The following EYS variants were observed in gnomAD, a reference collection of about 807,000 sequenced individuals.
EYS encodes the protein EGF-like photoreceptor maintenance factor.
A neutral mutation model predicts 282.1 loss-of-function variants in EYS; 250 were observed. The observed-to-expected ratio is 0.89, with a 90% confidence interval of 0.80 to 0.98. EYS has a LOEUF of 0.98. EYS is among the 50% of genes least tolerant of loss of function. The pLI is 0.00. For missense variants in EYS, 4,016 were observed against 3,709.0 expected (o/e 1.08, Z -2.15); for synonymous variants, 1,355 against 1,282.9 (o/e 1.06, Z -1.20).
chr6:64,854,579 C>T (rs940545048), intron 19 of EYS, among the ~76,000 whole-genome samples: 13 of 96,624 alleles, frequency 1.3e-4, no homozygotes, highest in South Asian at 3.3e-4. Context: ...ACATCACACA[C>T]GGGGGCCTGT....
intron 30 of EYS, among the ~76,000 whole-genome samples, chr6:64,238,428 GT>G (rs1449219894): frequency 1.3e-5 from 2 of 152,118 alleles, no homozygotes; most frequent in Non-Finnish European, 2.9e-5. Flanking sequence ...CATACAAGTG[GT>G]TTTTGGTTAT....
chr6:64,288,809 C>T (rs989455682), intron 30 of EYS, among the ~76,000 whole-genome samples: 1 of 152,042 alleles, frequency 6.6e-6, no homozygotes, highest in Non-Finnish European at 1.5e-5. Flanking sequence ...TTCTAGGAGT[C>T]ATTCATGCCT....
intron 33 of EYS, among the ~76,000 whole-genome samples, chr6:64,020,454 C>T (rs894226657): frequency 4.6e-5 from 7 of 152,038 alleles, no homozygotes; most frequent in East Asian, 1.9e-4. Context: ...AACCAAGTCA[C>T]GAAAACATTG....
intron 7 of EYS, among the ~76,000 whole-genome samples, chr6:65,390,193 A>C (rs1260819765): frequency 1.3e-5 from 2 of 151,770 alleles, no homozygotes; most frequent in East Asian, 3.9e-4. Context: ...ATAATTATCA[A>C]AAAATTTAAA....
At chr6:65,075,070 T>C (rs1233206753) in intron 12 of EYS, among the ~76,000 whole-genome samples, 1 of 152,114 alleles carries the variant, frequency 6.6e-6, no homozygotes, top group Non-Finnish European at 1.5e-5. Context: ...TATCATGTTG[T>C]GAGTTCTCAC....
intron 19 of EYS, among the ~76,000 whole-genome samples, chr6:64,845,553 T>G (rs1765692695): frequency 1.3e-5 from 2 of 148,352 alleles, no homozygotes; most frequent in Admixed American, 6.8e-5. Flanking sequence ...CTCTGTCATT[T>G]TAGCCTACTC....
chr6:65,019,962 G>A (rs572034185), intron 13 of EYS, among the ~76,000 whole-genome samples: 32 of 152,240 alleles, frequency 2.1e-4, no homozygotes, highest in African/African-American at 7.2e-4. Context: ...CAGATCTTAT[G>A]AGAACTCAGT....
chr6:64,616,883 G>C (rs578170356), intron 24 of EYS, among the ~76,000 whole-genome samples: 1 of 151,802 alleles, frequency 6.6e-6, no homozygotes, highest in African/African-American at 2.4e-5. Context: ...CATGGGCTGC[G>C]GTCAGTTTTA....
chr6:63,876,950 A>G (rs1262131441), intron 35 of EYS, among the ~76,000 whole-genome samples: 1 of 152,064 alleles, frequency 6.6e-6, no homozygotes, highest in Non-Finnish European at 1.5e-5. Context: ...TTTTAATTGG[A>G]GCATTTAGCC....
intron 7 of EYS, among the ~76,000 whole-genome samples, chr6:65,389,380 C>T (rs910082430): frequency 6.6e-6 from 1 of 152,148 alleles, no homozygotes; most frequent in South Asian, 2.1e-4. Context: ...GCAATAGGTA[C>T]TCCCTCTGCC....
chr6:64,399,950 A>G (rs1228486915), intron 28 of EYS, among the ~76,000 whole-genome samples: 2 of 151,982 alleles, frequency 1.3e-5, no homozygotes, highest in African/African-American at 4.8e-5. Flanking sequence ...CATGGAATTC[A>G]GTTCCTTAAG....
intron 22 of EYS, among the ~76,000 whole-genome samples, chr6:64,773,423 T>TTGC (rs1317260261): frequency 6.6e-6 from 1 of 151,834 alleles, no homozygotes; most frequent in Non-Finnish European, 1.5e-5. Context: ...ACCGTGAATA[T>TTGC]TGCTGCAATG....
chr6:65,046,152 A>C (rs910979988), intron 13 of EYS, among the ~76,000 whole-genome samples: 1 of 151,870 alleles, frequency 6.6e-6, no homozygotes, highest in African/African-American at 2.4e-5. Context: ...GACTACTCCA[A>C]CTTTTTAATT....
At chr6:64,344,940 C>A (rs1771312895) in intron 29 of EYS, among the ~76,000 whole-genome samples, 3 of 152,016 alleles carry the variant, frequency 2.0e-5, no homozygotes, top group Non-Finnish European at 2.9e-5. Flanking sequence ...GAGTGAACTC[C>A]CATTCATAAT....
rs151223440 is a variant in EYS, at chr6:65,398,567, T to C, written c.1184+3911A>G. Among the ~76,000 whole-genome samples the C allele has an allele frequency of 4.2e-3, 646 of 152,060 alleles. 6 individuals are homozygous for C. Among genetic ancestry groups the C allele is most frequent in the African/African-American group, 0.015 (613 of 41,544 alleles). ...TCCAGACATTGGCCTAGGCAAAGAA[T>C]TAATGACTAAGTTCTCAAAAGGAAA... is the stretch of plus-strand genomic sequence containing the variant. On this transcript the variant is annotated intron_variant, in intron 7 of 42. Coordinates refer to ENST00000503581, the MANE Select transcript of EYS (RefSeq NM_001142800.2).
intron 30 of EYS, among the ~76,000 whole-genome samples, chr6:64,290,832 T>A (rs959711353): frequency 6.6e-6 from 1 of 151,314 alleles, no homozygotes; most frequent in Non-Finnish European, 1.5e-5. Context: ...TGACAAACTT[T>A]TTCCATAAAG....
chr6:65,476,736 C>T (rs1460815382), intron 5 of EYS, among the ~76,000 whole-genome samples: 1 of 152,004 alleles, frequency 6.6e-6, no homozygotes, highest in African/African-American at 2.4e-5. Flanking sequence ...GCCACCAGGC[C>T]CAGCTAATTT....
At chr6:64,574,682 T>A in intron 26 of EYS, among the ~76,000 whole-genome samples, 1 of 152,304 alleles carries the variant, frequency 6.6e-6, no homozygotes, top group South Asian at 2.1e-4. Flanking sequence ...TATATTCATT[T>A]CTTATGTTTT....
chr6:65,223,790 G>A (rs1007863795), intron 12 of EYS, among the ~76,000 whole-genome samples: 1 of 152,140 alleles, frequency 6.6e-6, no homozygotes, highest in Non-Finnish European at 1.5e-5. Flanking sequence ...GACTGGGGAA[G>A]GAAATTGGCA....
Sources: gnomAD v4.1 joint callset for allele counts (sites outside exome capture counted in the v4.1 genomes callset) on GRCh38, gnomAD v4.1.1 for gene constraint, MANE v1.5 for transcripts, NCBI Gene and HGNC (gene_info 2026-07-23, HGNC 2026-07-21) for gene names.